Variants in KCMF1 observed in about 807,000 individuals in gnomAD.
KCMF1 encodes the protein E3 ubiquitin-protein ligase KCMF1.
KCMF1 carries 3 observed loss-of-function variants against 41.1 expected under a neutral mutation model. The observed-to-expected ratio is 0.07, with a 90% CI of 0.03 to 0.19. The LOEUF (loss-of-function observed/expected upper bound fraction) is 0.19, where lower values mean the gene tolerates loss of function less well. Among genes scored for constraint, KCMF1 ranks in the 10% least tolerant of loss-of-function variants. The pLI is 1.00. For missense variants in KCMF1, 286 were observed against 488.9 expected (o/e 0.58, Z 3.91); for synonymous variants, 142 against 164.5 (o/e 0.86, Z 1.04).
At chr2:84,981,642 T>C (rs182486904) in intron 1 of KCMF1, among the ~76,000 whole-genome samples, 1 of 152,272 alleles carries the variant, frequency 6.6e-6, no homozygotes, top group African/African-American at 2.4e-5. Flanking sequence ...CAGTCACAGG[T>C]ATATTTGATT....
In KCMF1 at chr2:85,046,249, G is replaced by T; in HGVS notation, c.572G>T (p.Ser191Ile). 1 of 1,613,082 alleles carries T rather than the reference G, an allele frequency of 6.2e-7. No individual in the cohort carries two copies. Among genetic ancestry groups the T allele is most frequent in the Non-Finnish European group, 8.5e-7 (1 of 1,179,460 alleles). Reference protein sequence around the residue: ...LSSSQSSYSPSNREAMDPIAE... With the variant: ...LSSSQSSYSPINREAMDPIAE... ...TCTTCTCAGAGTTCATATTCTCCAA[G>T]CAATAGGGAAGCCATGGATCCTATA... The change falls in exon 5 of 7, where the codon AGC becomes ATC. Residue 191 changes from serine to isoleucine, a missense_variant. By Grantham distance (142) the Ser-to-Ile change is moderately radical (BLOSUM62 -2). This residue lies in a region of KCMF1 where 191 missense variants were observed against 279.3 expected (regional missense o/e 0.68). Transcript: ENST00000409785.
At position 85,055,480 on chromosome 2, in the gene KCMF1, CTG is replaced by C. The variant is rs1385382558; in HGVS notation, c.*2073_*2074del. The stretch of plus-strand genomic sequence containing the variant: ...TTTTTAACATGGTTTTAGGGAACAA[CTG>C]TAAGTCCATTCAGAGCAGTTTAATT... On this transcript the variant is annotated 3_prime_UTR_variant, in exon 7 of 7. Coordinates refer to ENST00000409785, the MANE Select transcript of KCMF1 (RefSeq NM_020122.5). 6.6e-5 allele frequency: 10 copies of C among 152,256 alleles called. No individual in the cohort carries two copies. The South Asian group carries it at 8.3e-4, about 13-fold the overall frequency. 9.4% of individuals were successfully genotyped at this position (152,256 alleles called of 1,614,324 possible). A position where few individuals can be genotyped will look rare whatever the true frequency, so the allele number is the denominator to read the frequency against.
chr2:85,011,442 A>G (rs1210244243), intron 1 of KCMF1, among the ~76,000 whole-genome samples: 1 of 152,188 alleles, frequency 6.6e-6, no homozygotes, highest in Admixed American at 6.5e-5. Flanking sequence ...CTGTCACCTG[A>G]CAAGGCATTT....
At chr2:85,026,148 G>A (rs972607861) in intron 1 of KCMF1, among the ~76,000 whole-genome samples, 2 of 151,870 alleles carry the variant, frequency 1.3e-5, no homozygotes, top group Admixed American at 6.6e-5. Flanking sequence ...CCACCACCAC[G>A]CCCGGCTAAT....
chr2:84,997,068 A>G (rs978392586), intron 1 of KCMF1, among the ~76,000 whole-genome samples: 3 of 152,230 alleles, frequency 2.0e-5, no homozygotes, highest in African/African-American at 7.2e-5. Context: ...ATAAAAATGT[A>G]TGATCTTATG....
Position 85,018,865 on chromosome 2 carries a change from C to T in KCMF1, c.17-9024C>T, listed in dbSNP as rs564257128. Among the ~76,000 whole-genome samples the T allele has an allele frequency of 1.9e-3, 228 of 122,090 alleles. 1 individual carries two copies. Among genetic ancestry groups the T allele is most frequent in the African/African-American group, 6.8e-3 (214 of 31,390 alleles). 80.1% of individuals were successfully genotyped at this position (122,090 alleles called of 152,430 possible). A position where few individuals can be genotyped will look rare whatever the true frequency, so the allele number is the denominator to read the frequency against. Reference sequence around the variant, plus strand: ...TGTCGCCCAGGCTGGAGTGCAGTGGCGTGATCTTGGCTCACTGCAACCTCG... The same window carrying T: ...TGTCGCCCAGGCTGGAGTGCAGTGGTGTGATCTTGGCTCACTGCAACCTCG... On this transcript the variant is annotated intron_variant, in intron 1 of 6. Transcript: ENST00000409785.
At chr2:85,022,364 C>T (rs575651532) in intron 1 of KCMF1, among the ~76,000 whole-genome samples, 30 of 152,196 alleles carry the variant, frequency 2.0e-4, no homozygotes, top group African/African-American at 6.7e-4. Flanking sequence ...GTCCCAGCTA[C>T]TCAGGAGGCT....
chr2:84,989,440 T>C (rs1252537868), intron 1 of KCMF1, among the ~76,000 whole-genome samples: 2 of 151,714 alleles, frequency 1.3e-5, no homozygotes, highest in Non-Finnish European at 2.9e-5. Context: ...GTCAAGAGGG[T>C]AGGGTGATGA....
At chr2:85,030,902 G>A (rs1675250726) in intron 2 of KCMF1, among the ~76,000 whole-genome samples, 1 of 152,112 alleles carries the variant, frequency 6.6e-6, no homozygotes, top group Non-Finnish European at 1.5e-5. Context: ...TTTCCACATT[G>A]CCCAAACTGG....
intron 3 of KCMF1, among the ~76,000 whole-genome samples, chr2:85,039,746 A>T (rs1675480952): frequency 1.3e-5 from 2 of 152,184 alleles, no homozygotes; most frequent in African/African-American, 4.8e-5. Flanking sequence ...GTGAAGGAGA[A>T]GAGGAAACTC....
In KCMF1 at chr2:84,978,683, T is replaced by G. The variant is rs547755613; in HGVS notation, c.16+7216T>G. 1.1e-4 allele frequency among the ~76,000 whole-genome samples: 16 copies of G among 152,068 alleles called. No homozygotes were observed. The South Asian group carries it at 3.3e-3, about 32-fold the overall frequency. Reference sequence around the variant, plus strand: ...TGCCTCAGCTTCCCAAGTAGCTGCATTACAGGCATGTACCACCATGCCTGG... The same window carrying G: ...TGCCTCAGCTTCCCAAGTAGCTGCAGTACAGGCATGTACCACCATGCCTGG... On this transcript the variant is annotated intron_variant, in intron 1 of 6. Coordinates refer to ENST00000409785, the MANE Select transcript of KCMF1 (RefSeq NM_020122.5).
At chr2:85,009,975 A>T (rs1464664956) in intron 1 of KCMF1, among the ~76,000 whole-genome samples, 1 of 152,106 alleles carries the variant, frequency 6.6e-6, no homozygotes, top group Non-Finnish European at 1.5e-5. Flanking sequence ...TGTAAATTGG[A>T]TTCTTAGCTT....
At chr2:85,014,704 C>T (rs567607792) in intron 1 of KCMF1, among the ~76,000 whole-genome samples, 14 of 144,646 alleles carry the variant, frequency 9.7e-5, no homozygotes, top group African/African-American at 2.7e-4. Flanking sequence ...AATACTGGCG[C>T]GCGCGTGCGT....
Position 85,057,602 on chromosome 2 carries a change from C to CT in KCMF1, c.*4194dup, listed in dbSNP as rs1193782399. 1 of 152,202 alleles carries CT rather than the reference C, an allele frequency of 6.6e-6. No individual in the cohort carries two copies. Among genetic ancestry groups the CT allele is most frequent in the African/African-American group, 2.4e-5 (1 of 41,450 alleles). The allele number at this position is 152,202 out of a possible 1,614,324, so 9.4% of individuals were successfully genotyped here. ...CTGTTTTTCTGAATAGTATAAAAAT[C>CT]TAATTCCCTGTGCTTATCGGCTTCA... is the stretch of plus-strand genomic sequence containing the variant. On this transcript the variant is annotated 3_prime_UTR_variant, in exon 7 of 7. Transcript: ENST00000409785.
intron 1 of KCMF1, among the ~76,000 whole-genome samples, chr2:84,985,979 G>A (rs1484962178): frequency 6.6e-6 from 1 of 152,140 alleles, no homozygotes; most frequent in Non-Finnish European, 1.5e-5. Context: ...ATGCAAAATA[G>A]TACTTATCAC....
At chr2:85,026,460 T>G (rs1675105226) in intron 1 of KCMF1, among the ~76,000 whole-genome samples, 1 of 84,818 alleles carries the variant, frequency 1.2e-5, no homozygotes, top group South Asian at 3.3e-4. Context: ...TTTCTTTCCT[T>G]TATTATTATT....
chr2:85,008,405 C>CATATGATATATATGATAT (rs1215973913), intron 1 of KCMF1, among the ~76,000 whole-genome samples: 2 of 87,046 alleles, frequency 2.3e-5, no homozygotes, highest in Non-Finnish European at 4.7e-5. Context: ...TATTATATAT[C>CATATGATATATATGATAT]ATATTATATA....
chr2:85,047,438 T>G (rs1352648640), intron 5 of KCMF1, among the ~76,000 whole-genome samples: 1 of 152,156 alleles, frequency 6.6e-6, no homozygotes, highest in Non-Finnish European at 1.5e-5. Flanking sequence ...ATGGACACAT[T>G]TCAGAACTGT....
chr2:85,014,776 G>A (rs1029743619), intron 1 of KCMF1, among the ~76,000 whole-genome samples: 4 of 151,196 alleles, frequency 2.6e-5, no homozygotes, highest in African/African-American at 9.7e-5. Flanking sequence ...GTCTTGCTAT[G>A]TTGCCCAGGC....
Sources: gnomAD v4.1 joint callset for allele counts (sites outside exome capture counted in the v4.1 genomes callset) on GRCh38, gnomAD v4.1.1 for gene constraint, gnomAD v4.1.1 regional missense constraint, MANE v1.5 for transcripts, NCBI Gene and HGNC (gene_info 2026-07-23, HGNC 2026-07-21) for gene names.